The following TBL1X variants were observed in gnomAD, a reference collection of about 807,000 sequenced individuals.
The protein encoded by TBL1X is F-box-like/WD repeat-containing protein TBL1X.
Under a neutral mutation model 50.7 loss-of-function variants are expected in TBL1X, and 10 were observed. That is an observed-to-expected ratio of 0.20 (90% CI 0.12 to 0.33). TBL1X has a LOEUF of 0.33. TBL1X is among the 10% of genes least tolerant of loss of function. TBL1X has a pLI of 1.00. For synonymous variants in TBL1X, 190 were observed against 214.7 expected (o/e 0.88, Z 1.01); for missense variants, 340 against 504.4 (o/e 0.67, Z 3.12).
Position 9,719,276 on chromosome X carries a change from C to T in TBL1X, c.*3030C>T, listed in dbSNP as rs1229862071. On this transcript the variant is annotated 3_prime_UTR_variant, in exon 18 of 18. Coordinates refer to ENST00000645353, the MANE Select transcript of TBL1X (RefSeq NM_005647.4). ...TACAGGGTGAAACCCTCTGACCCCT[C>T]GCGACACCGTAGGACTTGACTTTTG... 3.6e-5 allele frequency: 4 copies of T among 112,223 alleles called. No homozygotes were observed. The highest frequency in any genetic ancestry group is 7.5e-5 in the Non-Finnish European group (4 of 53,170). The allele number at this position is 112,223 out of a possible 1,213,427, so 9.2% of individuals were successfully genotyped here.
chrX:9,512,988 A>G (rs766671813), intron 2 of TBL1X, among the ~76,000 whole-genome samples: 75 of 110,834 alleles, frequency 6.8e-4, no homozygotes, highest in African/African-American at 2.3e-3. Flanking sequence ...GTGCCTGTTC[A>G]TGTATTTCCA....
At chrX:9,486,216 A>C (rs921486736) in intron 1 of TBL1X, among the ~76,000 whole-genome samples, 2 of 107,770 alleles carry the variant, frequency 1.9e-5, no homozygotes, top group Non-Finnish European at 3.8e-5. Context: ...TGGTACCTGG[A>C]CATTTTTTTC....
intron 2 of TBL1X, among the ~76,000 whole-genome samples, chrX:9,587,150 G>A (rs918790896): frequency 5.3e-5 from 6 of 112,230 alleles, no homozygotes; most frequent in East Asian, 5.6e-4. Context: ...GGCACCGAGC[G>A]CTGGAGGCCT....
At chrX:9,594,846 A>G (rs758709587) in intron 2 of TBL1X, among the ~76,000 whole-genome samples, 12 of 110,281 alleles carry the variant, frequency 1.1e-4, no homozygotes, top group South Asian at 3.8e-4. Context: ...GAATGGGTTT[A>G]TTTTCTTTTT....
intron 12 of TBL1X, among the ~76,000 whole-genome samples, chrX:9,703,963 G>A (rs965112865): frequency 8.9e-6 from 1 of 112,462 alleles, no homozygotes; most frequent in Non-Finnish European, 1.9e-5. Flanking sequence ...CTGGCTTTTA[G>A]CGAGTGCCTT....
chrX:9,580,517 A>G (rs926245462), intron 2 of TBL1X, among the ~76,000 whole-genome samples: 6 of 111,936 alleles, frequency 5.4e-5, no homozygotes, highest in African/African-American at 2.0e-4. Context: ...CTGTCGTTGA[A>G]TAGAAGGGGA....
At chrX:9,659,343 G>A (rs752814022) in intron 5 of TBL1X, among the ~76,000 whole-genome samples, 5 of 107,191 alleles carry the variant, frequency 4.7e-5, no homozygotes, top group Non-Finnish European at 9.7e-5. Context: ...GAATGGCATA[G>A]AGATGGCATC....
At chrX:9,715,292 G>T (rs1437008349) in intron 17 of TBL1X, among the ~76,000 whole-genome samples, 1 of 112,256 alleles carries the variant, frequency 8.9e-6, no homozygotes, top group Non-Finnish European at 1.9e-5. Flanking sequence ...GCCATTTTAG[G>T]TTGTCACTAC....
At chrX:9,533,324 A>G (rs2082171789) in intron 2 of TBL1X, among the ~76,000 whole-genome samples, 2 of 109,660 alleles carry the variant, frequency 1.8e-5, no homozygotes, top group Admixed American at 1.9e-4. Flanking sequence ...GCTTTTCTCT[A>G]CTCTCCAATT....
At chrX:9,678,930 C>T (rs1358009887) in intron 5 of TBL1X, among the ~76,000 whole-genome samples, 2 of 111,382 alleles carry the variant, frequency 1.8e-5, no homozygotes, top group African/African-American at 6.5e-5. Context: ...GACTATTACA[C>T]GTTTTATTCC....
intron 1 of TBL1X, among the ~76,000 whole-genome samples, chrX:9,491,339 T>TATATATATA (rs1491249258): frequency 1.0e-4 from 2 of 19,223 alleles, no homozygotes; most frequent in African/African-American, 4.8e-4. Context: ...TATATATATA[T>TATATATATA]TTTTTTTTTT....
At chrX:9,705,954 A>G (rs753532369) in intron 13 of TBL1X, among the ~76,000 whole-genome samples, 2 of 111,010 alleles carry the variant, frequency 1.8e-5, no homozygotes, top group African/African-American at 3.3e-5. Flanking sequence ...GGAGGCTTCC[A>G]ACCATGGCAG....
chrX:9,485,135 G>A (rs776970466), intron 1 of TBL1X, among the ~76,000 whole-genome samples: 2 of 110,454 alleles, frequency 1.8e-5, no homozygotes, highest in South Asian at 7.7e-4. Flanking sequence ...ACACAGAGTG[G>A]CAGGCCCCAT....
chrX:9,502,887 C>G (rs2082008330), intron 2 of TBL1X, among the ~76,000 whole-genome samples: 1 of 112,457 alleles, frequency 8.9e-6, no homozygotes, highest in Admixed American at 9.4e-5. Flanking sequence ...ATCAATCCTG[C>G]TGGTGCCTTA....
intron 5 of TBL1X, among the ~76,000 whole-genome samples, chrX:9,676,659 C>T (rs1291182190): frequency 9.0e-6 from 1 of 111,670 alleles, no homozygotes; most frequent in Non-Finnish European, 1.9e-5. Context: ...AGGTCTGCAG[C>T]GCATAAAAAT....
intron 12 of TBL1X, among the ~76,000 whole-genome samples, chrX:9,703,211 G>C (rs776020484): frequency 1.9e-5 from 2 of 104,913 alleles, no homozygotes; most frequent in Non-Finnish European, 3.9e-5. Context: ...GAACCTTCAG[G>C]GGAAGGGAAG....
chrX:9,657,080 A>G (rs1049993182), intron 5 of TBL1X, among the ~76,000 whole-genome samples: 1 of 112,321 alleles, frequency 8.9e-6, no homozygotes, highest in Non-Finnish European at 1.9e-5. Flanking sequence ...TTTCTCCACT[A>G]GAAGTTGTCA....
At chrX:9,665,489 CTATATATATATATATATATATATA>C (rs56756151) in intron 5 of TBL1X, among the ~76,000 whole-genome samples, 2,581 of 19,810 alleles carry the variant, frequency 0.13, 273 homozygotes, top group South Asian at 0.16. Flanking sequence ...GATATTCAAG[CTATATATATATATATATATATATA>C]TATATATATA....
At chrX:9,617,031 A>G (rs751591247) in intron 2 of TBL1X, among the ~76,000 whole-genome samples, 5 of 112,086 alleles carry the variant, frequency 4.5e-5, no homozygotes, top group African/African-American at 1.6e-4. Context: ...GACTACATCC[A>G]TATGACACCA....
Sources: gnomAD v4.1 joint callset for allele counts (sites outside exome capture counted in the v4.1 genomes callset) on GRCh38, gnomAD v4.1.1 for gene constraint, MANE v1.5 for transcripts, NCBI Gene and HGNC (gene_info 2026-07-23, HGNC 2026-07-21) for gene names.